Variants in IQCN observed in about 807,000 individuals in gnomAD.
IQCN encodes IQ domain-containing protein N.
A neutral mutation model predicts 64.4 loss-of-function variants in IQCN; 46 were observed. The observed-to-expected ratio is 0.71, with a 90% CI of 0.56 to 0.91. The LOEUF is 0.91. IQCN is among the 40% of genes least tolerant of loss of function. IQCN has a pLI of 0.00. For synonymous variants in IQCN, 733 were observed against 775.6 expected (o/e 0.95, Z 0.91); for missense variants, 1,753 against 1,857.4 (o/e 0.94, Z 1.03).
chr19:18,267,423 A>G lies in IQCN; in HGVS notation c.117T>C (p.Ala39=), dbSNP rs2148108134. ...CCATTTTGTCCAGGAGACTGGGGTG[A>G]GCGGGGGCTGGAGGATGCACCGCCC... The part of the protein sequence containing the change: ...TQWAVHPPAP[A]HPSLLDKMEK... The change falls in exon 3 of 4, where the codon GCT becomes GCC. Residue 39 remains alanine, a synonymous_variant. Transcript: ENST00000392413. The G allele has an allele frequency of 6.4e-7, 1 of 1,571,382 alleles. No individual in the cohort carries two copies. The highest frequency in any genetic ancestry group is 8.6e-7 in the Non-Finnish European group (1 of 1,159,568).
chr19:18,265,304 C>T lies in IQCN; in HGVS notation c.2236G>A (p.Gly746Arg). 1 of 1,614,126 alleles carries T rather than the reference C, an allele frequency of 6.2e-7. No individual in the cohort carries two copies. Among genetic ancestry groups the T allele is most frequent in the Non-Finnish European group, 8.5e-7 (1 of 1,180,020 alleles). The change falls in exon 3 of 4, where the codon GGG (glycine) becomes AGG (arginine). Residue 746 changes from glycine (G) to arginine (R), a missense_variant. Gly to Arg is a moderately radical substitution (Grantham distance 125, BLOSUM62 -2). Coordinates refer to ENST00000392413, the MANE Select transcript of IQCN (RefSeq NM_001145304.2). This position sits in a 1 kb window ranked among gnomAD's most constrained non-coding sequence, Gnocchi z 4.7. Reference sequence around the variant, plus strand: ...GTGGTTATGTCTGTGATCGGCTGCCCCCGGGACTGCGTCTTGGTCAGACAG... The same window carrying T: ...GTGGTTATGTCTGTGATCGGCTGCCTCCGGGACTGCGTCTTGGTCAGACAG... ...ATCLTKTQSR[G>R]QPITDITTCL...
In IQCN at chr19:18,267,143, TGGCC is replaced by T. The variant is rs762681591; in HGVS notation, c.393_396del (p.Ala132SerfsTer21). 6.2e-7 allele frequency: 1 copy of T among 1,614,240 alleles called. No individual in the cohort carries two copies. The highest frequency in any genetic ancestry group is 8.5e-7 in the Non-Finnish European group (1 of 1,180,048). ...TTGAAGCGCCGCCAGGCCTCCTGGA[TGGCC>T]TTGGCCGCCATCATCTGGGAAATCA... On this transcript the variant is annotated frameshift_variant, in exon 3 of 4. Coordinates refer to ENST00000392413, the MANE Select transcript of IQCN (RefSeq NM_001145304.2). LOFTEE classifies it high-confidence loss of function.
Position 18,266,118 on chromosome 19 carries a change from G to T in IQCN, c.1422C>A (p.Ala474=). The T allele has an allele frequency of 6.2e-7, 1 of 1,614,146 alleles. No individual in the cohort carries two copies. Among genetic ancestry groups the T allele is most frequent in the Non-Finnish European group, 8.5e-7 (1 of 1,180,028 alleles). The change falls in exon 3 of 4, where the codon GCC becomes GCA. Residue 474 remains alanine, a synonymous_variant. Transcript: ENST00000392413. This position sits in a 1 kb window ranked among gnomAD's most constrained non-coding sequence, Gnocchi z 4.3. The part of the protein sequence containing the change: ...AKNPLQTCLS[A]TMSKTSSQRS... ...TCTGGGATGAAGTCTTGGACATTGT[G>T]GCTGACAGACATGTTTGCAATGGGT...
Position 18,258,038 on chromosome 19 carries a change from A to G in IQCN, c.3246T>C (p.Ala1082=), listed in dbSNP as rs1969348732. 1.9e-6 allele frequency: 3 copies of G among 1,612,634 alleles called. No homozygotes were observed. The highest frequency in any genetic ancestry group is 2.7e-5 in the African/African-American group (2 of 74,918). ...TGTTGCGCCAGGTGTCCCAGGACGC[A>G]GCACCCCTGGCTGGCTCCCATGCGC... ...WNRAWEPARG[A]ASWDTWRNKA... The change falls in exon 4 of 4, where the codon GCT becomes GCC. Residue 1082 remains alanine (A), a synonymous_variant. Transcript: ENST00000392413.
intron 1 of IQCN, among the ~76,000 whole-genome samples, chr19:18,272,984 C>T (rs1549142): frequency 0.2 from 29,711 of 152,074 alleles, 3,390 homozygotes; most frequent in South Asian, 0.38. Context: ...AGGGTCCATT[C>T]GGAGACAAGA....
intron 3 of IQCN, among the ~76,000 whole-genome samples, chr19:18,262,780 T>C (rs1969459267): frequency 1.3e-5 from 2 of 152,116 alleles, no homozygotes; most frequent in African/African-American, 4.8e-5. Flanking sequence ...TGGCCTAGGT[T>C]TGGGGCTACC....
At position 18,257,138 on chromosome 19, in the gene IQCN, T is replaced by C. The variant is rs768162347; in HGVS notation, c.*42A>G. The C allele has an allele frequency of 1.3e-6, 2 of 1,588,600 alleles. No homozygotes were observed. The highest frequency in any genetic ancestry group is 1.7e-5 in the Admixed American group (1 of 59,272). On this transcript the variant is annotated 3_prime_UTR_variant, in exon 4 of 4. Coordinates refer to ENST00000392413, the MANE Select transcript of IQCN (RefSeq NM_001145304.2). ...TTTATTCATTAGACCCAGAGAGCCA[T>C]GAGTGCCTCCCACGAAGTCCCCACT...
At chr19:18,273,888 G>A (rs1969796955) in intron 1 of IQCN, among the ~76,000 whole-genome samples, 1 of 152,096 alleles carries the variant, frequency 6.6e-6, no homozygotes, top group African/African-American at 2.4e-5. Flanking sequence ...CAAGCGACTG[G>A]CTCGGTAATT....
At chr19:18,268,625 C>T (rs1302093976) in intron 2 of IQCN, among the ~76,000 whole-genome samples, 1 of 151,544 alleles carries the variant, frequency 6.6e-6, no homozygotes, top group Non-Finnish European at 1.5e-5. Flanking sequence ...GTCAGGAGTT[C>T]GAGGCCAGCC....
chr19:18,264,656 C>A lies in IQCN; in HGVS notation c.2884G>T (p.Glu962Ter), dbSNP rs1458025809. ...TTACCCTGCATGACCTTGGTGAGTT[C>A]CGCCCGCAGCTCGCCCCGGGACAGG... ...RALSRGELRA[E>*]LTKVMQGKLA... Residue 962 changes from glutamate to a stop codon, truncating the protein, a stop_gained, in exon 3 of 4, where the codon GAA (glutamate) becomes TAA (stop). Transcript: ENST00000392413. LOFTEE classifies it high-confidence loss of function. The surrounding 1 kb of genome is among the most constrained non-coding windows in gnomAD (Gnocchi z 4.3). The A allele has an allele frequency of 1.9e-6, 3 of 1,551,324 alleles. No homozygotes were observed. The highest frequency in any genetic ancestry group is 2.4e-5 in the South Asian group (2 of 84,068).
intron 3 of IQCN, chr19:18,259,337 T>A (rs1969379951): frequency 3.1e-5 from 1 of 32,734 alleles, no homozygotes; most frequent in Non-Finnish European, 5.5e-5. Context: ...GCCCCCATCA[T>A]TGGCACAGAA....
At chr19:18,271,703 C>T (rs764122126) in intron 1 of IQCN, among the ~76,000 whole-genome samples, 6 of 152,092 alleles carry the variant, frequency 3.9e-5, no homozygotes, top group Non-Finnish European at 7.4e-5. Context: ...AGGTTATCAA[C>T]AGTTGGTGCT....
In IQCN at chr19:18,264,288, C is replaced by T; in HGVS notation, c.3177+75G>A. ...CCCCCACAAGATGGCCCCATCAATC[C>T]CCCATCTCCTCCAAGGGCCCGGCAG... On this transcript the variant is annotated intron_variant, in intron 3 of 3. Transcript: ENST00000392413. This position sits in a 1 kb window ranked among gnomAD's most constrained non-coding sequence, Gnocchi z 4.3. 1.6e-6 allele frequency: 2 copies of T among 1,273,674 alleles called. No homozygotes were observed. The highest frequency in any genetic ancestry group is 3.1e-5 in the South Asian group (2 of 63,802). The allele number at this position is 1,273,674 out of a possible 1,614,324, so 78.9% of individuals were successfully genotyped here. A position where few individuals can be genotyped will look rare whatever the true frequency, so the allele number is the denominator to read the frequency against.
chr19:18,273,756 C>G (rs1280373567), intron 1 of IQCN, among the ~76,000 whole-genome samples: 1 of 152,158 alleles, frequency 6.6e-6, no homozygotes, highest in African/African-American at 2.4e-5. Flanking sequence ...TGGGCCCATT[C>G]CAGGGGCTGA....
rs1432107172 is a variant in IQCN at position 18,264,470 on chromosome 19, C to G, written c.3070G>C (p.Gly1024Arg). ...ILPKAASKST[G>R]SGVTKTPALV... ...GCCGGCGTCTTAGTCACCCCGCTTC[C>G]TGTTGATTTCGAGGCGGCCTTGGGG... Residue 1024 changes from glycine (G) to arginine (R), a missense_variant, in exon 3 of 4, where the codon GGA (glycine) becomes CGA (arginine). Transcript: ENST00000392413. The surrounding 1 kb of genome is among the most constrained non-coding windows in gnomAD (Gnocchi z 4.3). 6.4e-7 allele frequency: 1 copy of G among 1,551,466 alleles called. No homozygotes were observed. Among genetic ancestry groups the G allele is most frequent in the Non-Finnish European group, 8.7e-7 (1 of 1,146,930 alleles).
In IQCN at chr19:18,265,686, C is replaced by G. The variant is rs752560660; in HGVS notation, c.1854G>C (p.Met618Ile). 1 of 1,614,164 alleles carries G rather than the reference C, an allele frequency of 6.2e-7. No individual in the cohort carries two copies. The highest frequency in any genetic ancestry group is 1.3e-5 in the African/African-American group (1 of 75,022). The change falls in exon 3 of 4, where the codon ATG becomes ATC. Residue 618 changes from methionine to isoleucine, a missense_variant. By Grantham distance (10) the Met-to-Ile change is conservative. Transcript: ENST00000392413. The surrounding 1 kb of genome is among the most constrained non-coding windows in gnomAD (Gnocchi z 4.7). The stretch of plus-strand genomic sequence containing the variant: ...CCACTGCCACACTGGTCTTAAATGC[C>G]ATGTCTGTTTTCGCCTGTTTCTGGG... ...TGTQKQAKTDMAFKTSVAVEM... is the reference protein window; with the variant it reads ...TGTQKQAKTDIAFKTSVAVEM...
chr19:18,267,271 G>A lies in IQCN; in HGVS notation c.269C>T (p.Ala90Val). Reference sequence around the variant, plus strand: ...CTCGTCTACCAGGATGTTCTTGAAGGCCTGGCTCTCGACCACAGCCCGGAG... The same window carrying A: ...CTCGTCTACCAGGATGTTCTTGAAGACCTGGCTCTCGACCACAGCCCGGAG... ...PRLRAVVESQ[A>V]FKNILVDEMD... Residue 90 changes from alanine to valine, a missense_variant, in exon 3 of 4, where the codon GCC becomes GTC. By Grantham distance (64) the Ala-to-Val change is moderately conservative. Coordinates refer to ENST00000392413, the MANE Select transcript of IQCN (RefSeq NM_001145304.2). 3 of 1,614,268 alleles carry A rather than the reference G, an allele frequency of 1.9e-6. No individual in the cohort carries two copies. Among genetic ancestry groups the A allele is most frequent in the South Asian group, 2.2e-5 (2 of 91,092 alleles).
rs1969575485 is a variant in IQCN, at chr19:18,266,169, C to A, written c.1371G>T (p.Met457Ile). Residue 457 changes from methionine to isoleucine, a missense_variant, in exon 3 of 4, where the codon ATG (methionine) becomes ATT (isoleucine). Met to Ile is a conservative substitution (Grantham distance 10, BLOSUM62 1). Transcript: ENST00000392413. The surrounding 1 kb of genome is among the most constrained non-coding windows in gnomAD (Gnocchi z 4.3). ...TTTTGGCTGGGGTGGTGACCGGGTG[C>A]ATCTGGGGTGGGGTCTTTGCCATCG... ...GPAMAKTPPQ[M>I]HPVTTPAKNP... 2.5e-6 allele frequency: 4 copies of A among 1,613,976 alleles called. No homozygotes were observed. In the South Asian group the frequency reaches 4.4e-5, roughly 18 times the overall value.
rs764440191 is a variant in IQCN at position 18,258,061 on chromosome 19, C to T, written c.3223G>A (p.Ala1075Thr). 4.3e-6 allele frequency: 7 copies of T among 1,612,266 alleles called. No homozygotes were observed. Among genetic ancestry groups the T allele is most frequent in the African/African-American group, 4.0e-5 (3 of 74,924 alleles). ...GCAGCACCCCTGGCTGGCTCCCATGCGCGGTTCCACGATTGGCCACCAACC... is the reference window on the plus strand; with the variant it reads ...GCAGCACCCCTGGCTGGCTCCCATGTGCGGTTCCACGATTGGCCACCAACC... ...GVVGGQSWNRAWEPARGAASW... is the reference protein window; with the variant it reads ...GVVGGQSWNRTWEPARGAASW... Residue 1075 changes from alanine (A) to threonine (T), a missense_variant, in exon 4 of 4, where the codon GCA (alanine) becomes ACA (threonine). Ala to Thr is a moderately conservative substitution (Grantham distance 58, BLOSUM62 0). Coordinates refer to ENST00000392413, the MANE Select transcript of IQCN (RefSeq NM_001145304.2).
Sources: gnomAD v4.1 joint callset for allele counts (sites outside exome capture counted in the v4.1 genomes callset) on GRCh38, gnomAD v4.1.1 for gene constraint, Gnocchi (gnomAD v3.1) non-coding constraint, MANE v1.5 for transcripts, NCBI Gene and HGNC (gene_info 2026-07-23, HGNC 2026-07-21) for gene names.